Variants in PREX2 observed in about 807,000 individuals in gnomAD.
PREX2 encodes phosphatidylinositol-3,4,5-trisphosphate dependent Rac exchange factor 2.
In PREX2, 107 loss-of-function variants were observed where a neutral mutation model predicts 203.2. The ratio of observed to expected loss-of-function variants is 0.53; its 90% CI spans 0.45 to 0.62. The LOEUF is 0.62. Among genes scored for constraint, PREX2 ranks in the 20% least tolerant of loss-of-function variants. The pLI, the probability that PREX2 is intolerant of heterozygous loss-of-function variation, is 0.00. For missense variants in PREX2, 1,777 were observed against 1,955.9 expected, an observed-to-expected ratio of 0.91 and a Z score of 1.72; for synonymous variants, 672 against 663.6, an observed-to-expected ratio of 1.01 and a Z score of -0.19.
intron 33 of PREX2, among the ~76,000 whole-genome samples, chr8:68,138,801 A>G (rs1039885658): frequency 1.3e-5 from 2 of 152,172 alleles, no homozygotes; most frequent in Non-Finnish European, 1.5e-5. Flanking sequence ...AAATATATCT[A>G]TCAGTCTAAG....
chr8:68,217,788 A>T, intron 38 of PREX2, 70 bp downstream of exon 38: 1 of 1,178,362 alleles, frequency 8.5e-7, no homozygotes. Context: ...TTGTTCATTT[A>T]TCAGGGGTTT....
intron 18 of PREX2, among the ~76,000 whole-genome samples, chr8:68,084,033 C>G (rs1809609901): frequency 6.6e-6 from 1 of 152,130 alleles, no homozygotes; most frequent in Non-Finnish European, 1.5e-5. Context: ...TATTGGTACA[C>G]ATATACACAA....
chr8:68,002,155 C>CTTT (rs35931451), intron 1 of PREX2, among the ~76,000 whole-genome samples: 1 of 140,122 alleles, frequency 7.1e-6, no homozygotes, highest in African/African-American at 2.7e-5. Context: ...TTCTTTCTTT[C>CTTT]TTTTTTTTTT....
chr8:67,975,300 GGT>G (rs1362887843), intron 1 of PREX2, among the ~76,000 whole-genome samples: 2 of 54,014 alleles, frequency 3.7e-5, no homozygotes, highest in East Asian at 8.1e-4. Context: ...TTTTTTTTTT[GGT>G]GTGTGTCTGT....
intron 31 of PREX2, among the ~76,000 whole-genome samples, chr8:68,130,628 C>A (rs1810988834): frequency 6.6e-6 from 1 of 152,126 alleles, no homozygotes; most frequent in Non-Finnish European, 1.5e-5. Context: ...GGAATGAACC[C>A]CATTTTCCAC....
At chr8:67,966,627 A>G (rs1805786702) in intron 1 of PREX2, among the ~76,000 whole-genome samples, 1 of 152,256 alleles carries the variant, frequency 6.6e-6, no homozygotes, top group Middle Eastern at 3.4e-3. Flanking sequence ...AAAAACAACA[A>G]CAACAACAAA....
rs564096933 is a variant in PREX2, at chr8:68,221,186, G to A, written c.4708-3373G>A. Among the ~76,000 whole-genome samples the A allele has an allele frequency of 2.6e-5, 4 of 152,266 alleles. No individual in the cohort carries two copies. In the East Asian group the frequency reaches 7.7e-4, roughly 29 times the overall value. ...CCAGCTGCATTCAGGCTGCTGCAAA[G>A]AACATGATTTTATCCTTTTTATGGC... On this transcript the variant is annotated intron_variant, in intron 38 of 39. Coordinates refer to ENST00000288368, the MANE Select transcript of PREX2 (RefSeq NM_024870.4).
rs1332060343 is a variant in PREX2, at chr8:68,069,097, A to G, written c.1404A>G (p.Thr468=). The G allele has an allele frequency of 2.5e-6, 4 of 1,577,130 alleles. No homozygotes were observed. Among genetic ancestry groups the G allele is most frequent in the Admixed American group, 1.9e-5 (1 of 52,024 alleles). ...MLYRFRYDDG[T]FYPRNEMQDV... is the part of the protein sequence containing the mutation. Reference sequence around the variant, plus strand: ...ATAGATTTCGCTATGATGATGGAACATTTTATCCAAGAAATGAGATGCAGG... The same window carrying G: ...ATAGATTTCGCTATGATGATGGAACGTTTTATCCAAGAAATGAGATGCAGG... The change falls in exon 12 of 40, where the codon ACA becomes ACG. Residue 468 remains threonine, a synonymous_variant. Transcript: ENST00000288368.
At chr8:68,167,749 G>A (rs1322306100) in intron 35 of PREX2, among the ~76,000 whole-genome samples, 3 of 152,102 alleles carry the variant, frequency 2.0e-5, no homozygotes, top group African/African-American at 7.2e-5. Flanking sequence ...TCCAGTTCTA[G>A]TATAGTTCCC....
intron 9 of PREX2, among the ~76,000 whole-genome samples, chr8:68,054,988 C>T (rs1808631420): frequency 6.6e-6 from 1 of 152,200 alleles, no homozygotes; most frequent in African/African-American, 2.4e-5. Context: ...TCAACTTCAT[C>T]CTCTTTGCCC....
At chr8:68,090,553 G>A (rs1809838860) in intron 19 of PREX2, 26 bp from the exon 20 acceptor site, 1 of 1,577,422 alleles carries the variant, frequency 6.3e-7, no homozygotes, top group Admixed American at 1.7e-5. Context: ...ATTTGTTTTT[G>A]GTTATTTTCT....
intron 37 of PREX2, among the ~76,000 whole-genome samples, chr8:68,206,108 T>A (rs1275835388): frequency 2.6e-5 from 4 of 152,140 alleles, no homozygotes; most frequent in Non-Finnish European, 5.9e-5. Flanking sequence ...TTTGGTAGAG[T>A]AGAAAGAGTC....
rs764112302 is a variant in PREX2 at position 68,080,485 on chromosome 8, G to GT, written c.1693dup (p.Ser565PhefsTer3). On this transcript the variant is annotated frameshift_variant, in exon 16 of 40. Transcript: ENST00000288368. LOFTEE classifies it high-confidence loss of function. The stretch of plus-strand genomic sequence containing the variant: ...TTCAAAGATGAACCCCTACTTTTCC[G>GT]TTTTTTTTCGGATGAGGAAATGGAG... 17 of 1,610,422 alleles carry GT rather than the reference G, an allele frequency of 1.1e-5. No homozygotes were observed. The highest frequency in any genetic ancestry group is 2.2e-5 in the South Asian group (2 of 90,594).
intron 23 of PREX2, chr8:68,105,237 G>T: frequency 7.3e-7 from 1 of 1,367,846 alleles, no homozygotes; most frequent in African/African-American, 1.5e-5. Flanking sequence ...TCCAGTACCT[G>T]TGACTATGGA....
chr8:68,121,700 G>T (rs1488741451), intron 30 of PREX2, among the ~76,000 whole-genome samples: 3 of 152,068 alleles, frequency 2.0e-5, no homozygotes, highest in Non-Finnish European at 2.9e-5. Flanking sequence ...TCACCTAGTT[G>T]TAAAAATATA....
intron 35 of PREX2, among the ~76,000 whole-genome samples, chr8:68,169,883 G>A (rs1295522598): frequency 1.3e-5 from 2 of 152,222 alleles, no homozygotes; most frequent in East Asian, 1.9e-4. Flanking sequence ...GTGAGAATGA[G>A]AAAGACAGAA....
chr8:68,214,599 G>A (rs1323208303), intron 37 of PREX2, among the ~76,000 whole-genome samples: 1 of 152,178 alleles, frequency 6.6e-6, no homozygotes, highest in African/African-American at 2.4e-5. Context: ...TGGACCTGGA[G>A]TCCATCAGAG....
At chr8:68,108,968 A>C in intron 24 of PREX2, 1 of 432,266 alleles carries the variant, frequency 2.3e-6, no homozygotes, top group South Asian at 1.7e-5. Context: ...ATACTATATG[A>C]TCTCATTTAT....
intron 39 of PREX2, among the ~76,000 whole-genome samples, chr8:68,229,001 T>A (rs1813115293): frequency 7.0e-6 from 1 of 142,476 alleles, no homozygotes; most frequent in Non-Finnish European, 1.5e-5. Flanking sequence ...CCTTATTTAG[T>A]CAGGAGTTTT....
Sources: gnomAD v4.1 joint callset for allele counts (sites outside exome capture counted in the v4.1 genomes callset) on GRCh38, gnomAD v4.1.1 for gene constraint, MANE v1.5 for transcripts, NCBI Gene and HGNC (gene_info 2026-07-23, HGNC 2026-07-21) for gene names.